The following RGS3 variants were observed in gnomAD, a reference collection of about 807,000 sequenced individuals.
RGS3 encodes regulator of G protein signaling 3.
A neutral mutation model predicts 132.6 loss-of-function variants in RGS3; 80 were observed. That is an observed-to-expected ratio of 0.60 (90% CI 0.50 to 0.73). The LOEUF is 0.73. Ranked by LOEUF, RGS3 falls within the 30% of genes least tolerant of loss-of-function variation. RGS3 has a pLI of 0.00. For missense variants in RGS3, 1,382 were observed against 1,530.8 expected (o/e 0.90, Z 1.62); for synonymous variants, 598 against 620.6 (o/e 0.96, Z 0.54).
intron 20 of RGS3, among the ~76,000 whole-genome samples, chr9:113,584,884 T>C (rs1482570630): frequency 6.6e-6 from 1 of 152,186 alleles, no homozygotes; most frequent in East Asian, 1.9e-4. Flanking sequence ...TTGAAGTAGA[T>C]AGTATTTTTG....
intron 19 of RGS3, among the ~76,000 whole-genome samples, chr9:113,544,992 C>A (rs555973132): frequency 6.6e-6 from 1 of 152,210 alleles, no homozygotes; most frequent in African/African-American, 2.4e-5. Context: ...GAATAAACTT[C>A]CAGAATGCAT....
chr9:113,484,044 G>A, intron 5 of RGS3, 94 bp from the exon 4 acceptor site: 1 of 746,460 alleles, frequency 1.3e-6, no homozygotes, highest in South Asian at 1.5e-5. Context: ...GAAGGACCCT[G>A]GGAAGCCTTT....
In RGS3 at chr9:113,507,366, C is replaced by T. The variant is rs892821157; in HGVS notation, c.1165C>T (p.Arg389Trp). The change falls in exon 13 of 25, where the codon CGG becomes TGG. Residue 389 changes from arginine to tryptophan, a missense_variant. By Grantham distance (101) the Arg-to-Trp change is moderately radical (BLOSUM62 -3). Transcript: ENST00000350696. This position sits in a 1 kb window ranked among gnomAD's most constrained non-coding sequence, Gnocchi z 5.0. ...GCCAGGACCAGATGGCGGGGTCCTGCGGCGGGCCTCCTGCAAGTCGACACA... is the reference window on the plus strand; with the variant it reads ...GCCAGGACCAGATGGCGGGGTCCTGTGGCGGGCCTCCTGCAAGTCGACACA... The T allele has an allele frequency of 1.3e-5, 21 of 1,613,674 alleles. No homozygotes were observed. Among genetic ancestry groups the T allele is most frequent in the Non-Finnish European group, 1.7e-5 (20 of 1,180,022 alleles).
intron 3 of RGS3, among the ~76,000 whole-genome samples, chr9:113,470,965 AAAAC>A (rs910232642): frequency 6.6e-6 from 1 of 152,292 alleles, no homozygotes; most frequent in African/African-American, 2.4e-5. Context: ...ACCCTGACTC[AAAAC>A]AAACAAACAA....
chr9:113,480,809 C>T (rs903900872), intron 4 of RGS3, among the ~76,000 whole-genome samples: 8 of 152,222 alleles, frequency 5.3e-5, no homozygotes, highest in Non-Finnish European at 1.0e-4. Context: ...GTTTGTCTGT[C>T]CATGTGTCCA....
intron 19 of RGS3, among the ~76,000 whole-genome samples, chr9:113,544,192 G>A (rs779517555): frequency 1.1e-4 from 17 of 152,178 alleles, no homozygotes; most frequent in Non-Finnish European, 2.2e-4. Context: ...GAGCTGGGAA[G>A]ATGGGAGCAC....
chr9:113,571,234 A>G (rs9657659), intron 19 of RGS3, among the ~76,000 whole-genome samples: 18,069 of 152,260 alleles, frequency 0.12, 1,285 homozygotes, highest in African/African-American at 0.19. Context: ...ATCTTTTGAT[A>G]TACTATGTTT....
intron 19 of RGS3, among the ~76,000 whole-genome samples, chr9:113,560,346 C>G (rs765708225): frequency 5.3e-4 from 81 of 151,898 alleles, no homozygotes; most frequent in Non-Finnish European, 1.0e-3. Context: ...TCTGTCTTAC[C>G]CCACCCCACC....
At chr9:113,501,164 G>T (rs974688386) in intron 10 of RGS3, among the ~76,000 whole-genome samples, 2 of 152,156 alleles carry the variant, frequency 1.3e-5, no homozygotes, top group Non-Finnish European at 2.9e-5. Context: ...GGACTTGCAG[G>T]GGGAGGAGGT....
intron 8 of RGS3, among the ~76,000 whole-genome samples, chr9:113,496,166 C>T (rs1830677604): frequency 6.6e-6 from 1 of 152,188 alleles, no homozygotes; most frequent in South Asian, 2.1e-4. Flanking sequence ...CCTGGGCCTG[C>T]CCCAGAAGAT....
intron 17 of RGS3, among the ~76,000 whole-genome samples, chr9:113,526,451 G>A (rs779145916): frequency 1.1e-4 from 17 of 152,178 alleles, no homozygotes; most frequent in Non-Finnish European, 2.4e-4. Context: ...GTGACATGGT[G>A]GTCAGGACGT....
Position 113,597,260 on chromosome 9 carries a change from C to T in RGS3, c.*307C>T, listed in dbSNP as rs755802972. The T allele has an allele frequency of 2.5e-4, 63 of 251,036 alleles. 1 individual carries two copies. Among genetic ancestry groups the T allele is most frequent in the Non-Finnish European group, 3.6e-4 (47 of 130,510 alleles). 15.6% of individuals were successfully genotyped at this position (251,036 alleles called of 1,614,324 possible). On this transcript the variant is annotated 3_prime_UTR_variant, in exon 25 of 25. Coordinates refer to ENST00000350696, the Ensembl canonical transcript of RGS3. Reference sequence around the variant, plus strand: ...CCTGCTGCGGAGACCGCGGAGGCTTCGCGTTGACCAAGTTCCTTAAAGAAC... The same window carrying T: ...CCTGCTGCGGAGACCGCGGAGGCTTTGCGTTGACCAAGTTCCTTAAAGAAC...
At chr9:113,588,852 C>T (rs1472667459) in intron 20 of RGS3, among the ~76,000 whole-genome samples, 1 of 152,192 alleles carries the variant, frequency 6.6e-6, no homozygotes, top group African/African-American at 2.4e-5. Context: ...GAAACTGAGG[C>T]ACAGAGAGGG....
chr9:113,500,079 G>A (rs541492406), intron 10 of RGS3, among the ~76,000 whole-genome samples: 21 of 152,166 alleles, frequency 1.4e-4, no homozygotes, highest in Non-Finnish European at 2.9e-4. Flanking sequence ...CAGGTTTCTT[G>A]GTGGCTTGTA....
intron 19 of RGS3, among the ~76,000 whole-genome samples, chr9:113,540,756 C>A (rs1053570418): frequency 6.6e-6 from 1 of 152,220 alleles, no homozygotes; most frequent in Non-Finnish European, 1.5e-5. Context: ...AGTCTGGTGG[C>A]AGAGACAGAC....
chr9:113,498,667 C>T (rs1830762553), intron 10 of RGS3, among the ~76,000 whole-genome samples: 2 of 152,152 alleles, frequency 1.3e-5, no homozygotes, highest in South Asian at 2.1e-4. Flanking sequence ...GTGATCCCAG[C>T]ACTTTGGGAG....
intron 2 of RGS3, chr9:113,461,910 C>A: frequency 6.3e-7 from 1 of 1,599,322 alleles, no homozygotes; most frequent in Non-Finnish European, 8.5e-7. Flanking sequence ...GTGGGCCTTC[C>A]TTTGCTGTTT....
chr9:113,552,402 C>T lies in RGS3; in HGVS notation c.2037+15484C>T, dbSNP rs1019838560. Among the ~76,000 whole-genome samples, 5 of 152,140 alleles carry T rather than the reference C, an allele frequency of 3.3e-5. No homozygotes were observed. The East Asian group carries it at 7.7e-4, about 24-fold the overall frequency. Reference sequence around the variant, plus strand: ...AGTGATCTCGGCTCATTGCAAGACCCGCCTCCCGGGTTCACGCCATTCTCC... The same window carrying T: ...AGTGATCTCGGCTCATTGCAAGACCTGCCTCCCGGGTTCACGCCATTCTCC... On this transcript the variant is annotated intron_variant, in intron 19 of 24. Coordinates refer to ENST00000350696, the Ensembl canonical transcript of RGS3.
At chr9:113,483,481 A>G (rs1245504606) in intron 5 of RGS3, among the ~76,000 whole-genome samples, 5 of 152,200 alleles carry the variant, frequency 3.3e-5, no homozygotes. Context: ...AGATTTGGGC[A>G]GTAGAGTGGA....
Sources: gnomAD v4.1 joint callset for allele counts (sites outside exome capture counted in the v4.1 genomes callset) on GRCh38, gnomAD v4.1.1 for gene constraint, Gnocchi (gnomAD v3.1) non-coding constraint, MANE v1.5 for transcripts, NCBI Gene and HGNC (gene_info 2026-07-23, HGNC 2026-07-21) for gene names.